CLSTN2: variants seen among roughly 807,000 people sequenced by gnomAD.
The protein encoded by CLSTN2 is calsyntenin 2.
In CLSTN2, 48 loss-of-function variants were observed where a neutral mutation model predicts 101.2. The observed-to-expected ratio is 0.47, with a 90% CI of 0.38 to 0.60. The LOEUF is 0.60. CLSTN2 is among the 20% of genes least tolerant of loss of function. CLSTN2 has a pLI of 0.00. For missense variants in CLSTN2, 1,160 were observed against 1,238.2 expected (o/e 0.94, Z 0.95); for synonymous variants, 481 against 463.6 (o/e 1.04, Z -0.48).
intron 8 of CLSTN2, among the ~76,000 whole-genome samples, chr3:140,481,155 T>C (rs1395363610): frequency 1.3e-5 from 2 of 152,216 alleles, no homozygotes; most frequent in Non-Finnish European, 2.9e-5. Flanking sequence ...AGTTTCAGCT[T>C]TCTACATATG....
intron 1 of CLSTN2, among the ~76,000 whole-genome samples, chr3:139,968,931 CATT>C (rs1935648740): frequency 1.3e-5 from 2 of 152,104 alleles, no homozygotes; most frequent in African/African-American, 2.4e-5. Flanking sequence ...TAAAAGACAT[CATT>C]ATTAACACTT....
intron 1 of CLSTN2, among the ~76,000 whole-genome samples, chr3:139,939,634 G>T (rs926076915): frequency 6.6e-6 from 1 of 152,194 alleles, no homozygotes; most frequent in Non-Finnish European, 1.5e-5. Context: ...CAATGTTCTC[G>T]CTTAGAGCAG....
chr3:140,399,076 C>G (rs967844330), intron 2 of CLSTN2, among the ~76,000 whole-genome samples: 1 of 152,250 alleles, frequency 6.6e-6, no homozygotes, highest in African/African-American at 2.4e-5. Context: ...TGCTGGCCTC[C>G]TTTTCCACGC....
chr3:140,301,719 C>T (rs187502471), intron 2 of CLSTN2, among the ~76,000 whole-genome samples: 53 of 152,346 alleles, frequency 3.5e-4, no homozygotes, highest in Admixed American at 3.3e-3. Flanking sequence ...AGTTGGCTAA[C>T]TTGCCAGGCT....
intron 2 of CLSTN2, among the ~76,000 whole-genome samples, chr3:140,277,752 G>T (rs1003839709): frequency 3.3e-5 from 5 of 152,112 alleles, no homozygotes; most frequent in Non-Finnish European, 5.9e-5. Context: ...TATTGTTTGC[G>T]CTGGGTGGTT....
intron 1 of CLSTN2, among the ~76,000 whole-genome samples, chr3:140,044,802 C>A (rs2007836592): frequency 6.6e-6 from 1 of 152,096 alleles, no homozygotes; most frequent in Non-Finnish European, 1.5e-5. Flanking sequence ...TGGTTTTTGT[C>A]TTTGGTTCTG....
chr3:140,092,764 C>G (rs950614580), intron 1 of CLSTN2, among the ~76,000 whole-genome samples: 1 of 152,196 alleles, frequency 6.6e-6, no homozygotes, highest in African/African-American at 2.4e-5. Context: ...AAAGCTCATC[C>G]AGTGCTCACC....
At chr3:140,181,212 A>G (rs577264378) in intron 2 of CLSTN2, among the ~76,000 whole-genome samples, 1 of 152,268 alleles carries the variant, frequency 6.6e-6, no homozygotes, top group African/African-American at 2.4e-5. Context: ...CATAGTACCC[A>G]CTCCTGGTGT....
At chr3:140,178,268 T>C (rs1255992824) in intron 2 of CLSTN2, among the ~76,000 whole-genome samples, 1 of 152,222 alleles carries the variant, frequency 6.6e-6, no homozygotes, top group Non-Finnish European at 1.5e-5. Context: ...AAATCTGGTA[T>C]TTGAAAGTTT....
intron 1 of CLSTN2, among the ~76,000 whole-genome samples, chr3:140,096,136 T>C (rs2008865022): frequency 6.6e-6 from 1 of 152,190 alleles, no homozygotes; most frequent in Non-Finnish European, 1.5e-5. Flanking sequence ...GTTTTAGAGT[T>C]CTCTGCTTCA....
At chr3:140,060,710 G>A (rs2008189836) in intron 1 of CLSTN2, among the ~76,000 whole-genome samples, 1 of 152,212 alleles carries the variant, frequency 6.6e-6, no homozygotes, top group Non-Finnish European at 1.5e-5. Flanking sequence ...GTGGCATCCA[G>A]AGTAACAAGG....
chr3:140,110,860 C>T (rs943429385), intron 1 of CLSTN2, among the ~76,000 whole-genome samples: 1 of 152,154 alleles, frequency 6.6e-6, no homozygotes, highest in African/African-American at 2.4e-5. Flanking sequence ...CTCATAGCCC[C>T]TAGACCAAGA....
intron 2 of CLSTN2, among the ~76,000 whole-genome samples, chr3:140,189,144 A>C (rs1279696626): frequency 6.6e-6 from 1 of 152,110 alleles, no homozygotes. Flanking sequence ...CATGGTATGG[A>C]TATACCACAC....
intron 1 of CLSTN2, among the ~76,000 whole-genome samples, chr3:139,968,932 A>G (rs568252387): frequency 2.6e-4 from 39 of 152,348 alleles, no homozygotes; most frequent in African/African-American, 7.9e-4. Context: ...AAAAGACATC[A>G]TTATTAACAC....
intron 2 of CLSTN2, among the ~76,000 whole-genome samples, chr3:140,312,555 G>A (rs188424147): frequency 4.6e-5 from 7 of 152,342 alleles, no homozygotes; most frequent in Non-Finnish European, 1.0e-4. Flanking sequence ...TGCATCAGAA[G>A]CATGCAAGAA....
At position 140,137,505 on chromosome 3, in the gene CLSTN2, G is replaced by A. The variant is rs1367942000; in HGVS notation, c.110-38446G>A. 5.3e-5 allele frequency among the ~76,000 whole-genome samples: 8 copies of A among 152,002 alleles called. No homozygotes were observed. In the East Asian group the frequency reaches 9.7e-4, roughly 18 times the overall value. On this transcript the variant is annotated intron_variant, in intron 1 of 16. Transcript: ENST00000458420. ...CCACTAGATTAGCACATATCACTTC[G>A]TGTCCTCTAGTCATGAATGTCTTCA...
chr3:140,405,280 T>A (rs2088290701), intron 4 of CLSTN2, among the ~76,000 whole-genome samples: 1 of 151,560 alleles, frequency 6.6e-6, no homozygotes, highest in Non-Finnish European at 1.5e-5. Flanking sequence ...CAAGCTAGAG[T>A]ACAATGGCAC....
chr3:140,504,036 A>T (rs1402687277), intron 8 of CLSTN2, among the ~76,000 whole-genome samples: 1 of 152,182 alleles, frequency 6.6e-6, no homozygotes, highest in Non-Finnish European at 1.5e-5. Flanking sequence ...CAGGCATAAG[A>T]ATCAATGCCC....
At chr3:140,364,677 G>T (rs1318216567) in intron 2 of CLSTN2, among the ~76,000 whole-genome samples, 11 of 152,182 alleles carry the variant, frequency 7.2e-5, no homozygotes, top group Non-Finnish European at 1.5e-4. Flanking sequence ...AATGAGGCAG[G>T]GGGAGGGCCA....
Sources: allele counts gnomAD v4.1 joint callset (sites outside exome capture counted in the v4.1 genomes callset), GRCh38; gene constraint gnomAD v4.1.1; transcripts MANE v1.5; gene names NCBI Gene and HGNC (gene_info 2026-07-23, HGNC 2026-07-21).